PDE1A: variants seen among roughly 807,000 people sequenced by gnomAD.
PDE1A encodes phosphodiesterase 1A, also known as dual specificity calcium/calmodulin-dependent 3',5'-cyclic nucleotide phosphodiesterase 1A.
PDE1A carries 35 observed loss-of-function variants against 61.7 expected under a neutral mutation model. The observed-to-expected ratio is 0.57, with a 90% CI of 0.43 to 0.75. PDE1A has a LOEUF of 0.75. PDE1A is among the 30% of genes least tolerant of loss of function. The probability of loss-of-function intolerance (pLI) is 0.00; values close to 1 mark genes in which losing one functional copy is unlikely to be tolerated. For synonymous variants in PDE1A, 232 were observed against 213.2 expected (o/e 1.09, Z -0.77); for missense variants, 597 against 630.6 (o/e 0.95, Z 0.57).
intron 13 of PDE1A, among the ~76,000 whole-genome samples, chr2:182,149,451 A>G (rs1690661534): frequency 6.6e-6 from 1 of 152,184 alleles, no homozygotes; most frequent in Non-Finnish European, 1.5e-5. Flanking sequence ...AACTATGATA[A>G]ACTCAAGATA....
At chr2:182,564,565 C>T in the PDE1A span, among the ~76,000 whole-genome samples, 3 of 152,016 alleles carry the variant, frequency 2.0e-5, no homozygotes, top group Non-Finnish European at 4.4e-5. Context: ...ATCTTTGTGG[C>T]GTTCTCTGTA....
chr2:182,281,408 C>G (rs1693796069), intron 1 of PDE1A, among the ~76,000 whole-genome samples: 1 of 151,868 alleles, frequency 6.6e-6, no homozygotes, highest in South Asian at 2.1e-4. Context: ...GCCTGTGGAG[C>G]AAATGGTCAT....
chr2:182,516,732 GGAAGGAAGGAA>G (rs1481707067), intron 2 of PDE1A, among the ~76,000 whole-genome samples: 11 of 95,336 alleles, frequency 1.2e-4, no homozygotes, highest in African/African-American at 3.2e-4. Context: ...AAGGAAGGAA[GGAAGGAAGGAA>G]AAAGAGAGAA....
downstream of PDE1A, chr2:182,142,282 A>T (rs1690264198): frequency 6.6e-6 from 1 of 152,142 alleles, no homozygotes; most frequent in South Asian, 2.1e-4. Flanking sequence ...CGGTCTTGTT[A>T]TCATGAACTG....
At chr2:182,646,468 T>C in the PDE1A span, among the ~76,000 whole-genome samples, 1 of 147,298 alleles carries the variant, frequency 6.8e-6, no homozygotes, top group Non-Finnish European at 1.5e-5. Context: ...GGCGGGCAGA[T>C]CACAAGGTCA....
the PDE1A span, among the ~76,000 whole-genome samples, chr2:182,596,640 G>C: frequency 6.6e-6 from 1 of 151,976 alleles, no homozygotes; most frequent in Non-Finnish European, 1.5e-5. Flanking sequence ...GTAACTATGA[G>C]GCTACTGTAT....
At chr2:182,446,268 G>A (rs1406655160) in intron 2 of PDE1A, among the ~76,000 whole-genome samples, 1 of 152,070 alleles carries the variant, frequency 6.6e-6, no homozygotes, top group Non-Finnish European at 1.5e-5. Flanking sequence ...AAGAGATTGT[G>A]GACCACTCAG....
the PDE1A span, among the ~76,000 whole-genome samples, chr2:182,557,852 G>T: frequency 6.6e-6 from 1 of 152,126 alleles, no homozygotes; most frequent in Non-Finnish European, 1.5e-5. Flanking sequence ...TCCATAGCTT[G>T]AGCAAATCTT....
At chr2:182,701,151 C>T in the PDE1A span, among the ~76,000 whole-genome samples, 1 of 151,192 alleles carries the variant, frequency 6.6e-6, no homozygotes, top group East Asian at 2.0e-4. Context: ...TCTCCTGCCT[C>T]AGCCTCCCAA....
the PDE1A span, among the ~76,000 whole-genome samples, chr2:182,678,593 AG>A: frequency 4.6e-5 from 7 of 152,226 alleles, no homozygotes; most frequent in Non-Finnish European, 8.8e-5. Flanking sequence ...ATAAGATTTC[AG>A]GTATATTATT....
At chr2:182,478,362 T>C (rs900508140) in intron 2 of PDE1A, among the ~76,000 whole-genome samples, 1 of 151,270 alleles carries the variant, frequency 6.6e-6, no homozygotes, top group African/African-American at 2.4e-5. Context: ...AAAAAAATAG[T>C]GCTCTATCAT....
intron 2 of PDE1A, among the ~76,000 whole-genome samples, chr2:182,456,385 TAAC>T (rs1222907879): frequency 2.0e-5 from 3 of 152,114 alleles, no homozygotes; most frequent in Non-Finnish European, 4.4e-5. Context: ...ATCTTTTAAA[TAAC>T]AACTATTTCA....
At chr2:182,201,726 T>G in exon 9 of PDE1A, 3 of 1,611,670 alleles carry the variant, frequency 1.9e-6, no homozygotes, top group South Asian at 1.1e-5. Flanking sequence ...TATTTTTAAT[T>G]TGCTGGAAGT....
chr2:182,611,765 A>G, the PDE1A span, among the ~76,000 whole-genome samples: 9 of 152,318 alleles, frequency 5.9e-5, no homozygotes, highest in South Asian at 1.0e-3. Context: ...AAAAAAAATC[A>G]TGTCTATTTG....
intron 7 of PDE1A, among the ~76,000 whole-genome samples, chr2:182,209,357 C>T (rs57521051): frequency 0.21 from 31,458 of 151,582 alleles, 3,459 homozygotes; most frequent in East Asian, 0.32. Context: ...CCCCATGATT[C>T]AATTATCTCC....
chr2:182,466,891 C>G (rs56874480), intron 2 of PDE1A, among the ~76,000 whole-genome samples: 1 of 151,970 alleles, frequency 6.6e-6, no homozygotes, highest in African/African-American at 2.4e-5. Flanking sequence ...GGCAACAGGG[C>G]ATGGACACAG....
At chr2:182,186,945 A>G (rs1400946122) in intron 11 of PDE1A, among the ~76,000 whole-genome samples, 1 of 152,198 alleles carries the variant, frequency 6.6e-6, no homozygotes, top group African/African-American at 2.4e-5. Context: ...AGGGATCATT[A>G]TCTTTTTTGA....
chr2:182,440,200 T>C (rs928602141), intron 2 of PDE1A, among the ~76,000 whole-genome samples: 3 of 152,066 alleles, frequency 2.0e-5, no homozygotes, highest in African/African-American at 7.2e-5. Flanking sequence ...ACTGAAGCAA[T>C]CATCTAGGGT....
Position 182,252,417 on chromosome 2 carries a change from A to ACAATAACC in PDE1A, c.167+11876_167+11883dup, listed in dbSNP as rs540470444. Among the ~76,000 whole-genome samples, 31 of 152,350 alleles carry ACAATAACC rather than the reference A, an allele frequency of 2.0e-4. 2 individuals carry two copies. Among genetic ancestry groups the ACAATAACC allele is most frequent in the African/African-American group, 7.2e-4 (30 of 41,572 alleles). ...CACTGACTCAAGTTGTAAATGACAC[A>ACAATAACC]CAATAACCTACCTGAAGGAGGGAAA... On this transcript the variant is annotated intron_variant, in intron 2 of 13. Transcript: ENST00000351439.
Sources: gnomAD v4.1 joint callset for allele counts (sites outside exome capture counted in the v4.1 genomes callset) on GRCh38, gnomAD v4.1.1 for gene constraint, MANE v1.5 for transcripts, NCBI Gene and HGNC (gene_info 2026-07-23, HGNC 2026-07-21) for gene names.